Variants in AGBL1 observed in about 807,000 individuals in gnomAD.
The protein encoded by AGBL1 is AGBL carboxypeptidase 1.
In AGBL1, 130 loss-of-function variants were observed where a neutral mutation model predicts 118.9. The observed-to-expected ratio is 1.09, with a 90% CI of 0.95 to 1.26. AGBL1 has a LOEUF of 1.26. Ranked by LOEUF, AGBL1 falls within the 50% of genes most tolerant of loss-of-function variation. The pLI is 0.00. For synonymous variants in AGBL1, 555 were observed against 478.9 expected, an observed-to-expected ratio of 1.16 and a Z score of -2.08; for missense variants, 1,584 against 1,298.1, an observed-to-expected ratio of 1.22 and a Z score of -3.38.
chr15:86,196,857 ATG>A (rs1567118883), intron 5 of AGBL1, among the ~76,000 whole-genome samples: 20 of 124,000 alleles, frequency 1.6e-4, no homozygotes, highest in African/African-American at 5.0e-4. Flanking sequence ...GCATATGCGA[ATG>A]TGCACATGTG....
At chr15:86,656,336 C>T (rs538848546) in intron 21 of AGBL1, among the ~76,000 whole-genome samples, 27 of 152,160 alleles carry the variant, frequency 1.8e-4, no homozygotes, top group African/African-American at 4.3e-4. Context: ...AGAAAGAGCA[C>T]GCTGACAAAA....
chr15:86,770,424 A>G (rs561787189), intron 22 of AGBL1, among the ~76,000 whole-genome samples: 73 of 152,088 alleles, frequency 4.8e-4, no homozygotes, highest in Admixed American at 3.2e-3. Flanking sequence ...TAGAAGCTAC[A>G]GCTGCTGCTA....
intron 16 of AGBL1, among the ~76,000 whole-genome samples, chr15:86,287,575 C>T (rs1284162067): frequency 6.6e-6 from 1 of 152,032 alleles, no homozygotes; most frequent in Admixed American, 6.6e-5. Context: ...TTCAGTTTTC[C>T]CAACACCATT....
intron 22 of AGBL1, among the ~76,000 whole-genome samples, chr15:86,889,174 T>C (rs1596595926): frequency 6.6e-6 from 1 of 152,170 alleles, no homozygotes; most frequent in East Asian, 1.9e-4. Context: ...TTAGTTGACA[T>C]CCAGTAACCC....
At chr15:87,021,323 C>T (rs752709858) in intron 24 of AGBL1, among the ~76,000 whole-genome samples, 24 of 152,174 alleles carry the variant, frequency 1.6e-4, no homozygotes, top group African/African-American at 5.5e-4. Context: ...CTTCCTTACA[C>T]GATATACAAA....
chr15:86,189,275 C>T (rs532405399), intron 5 of AGBL1, among the ~76,000 whole-genome samples: 4 of 152,202 alleles, frequency 2.6e-5, no homozygotes, highest in Admixed American at 1.3e-4. Flanking sequence ...TGCAAAAGAC[C>T]TGATGGACAG....
chr15:86,311,366 A>G (rs2079918876), intron 17 of AGBL1, among the ~76,000 whole-genome samples: 1 of 152,092 alleles, frequency 6.6e-6, no homozygotes, highest in Non-Finnish European at 1.5e-5. Flanking sequence ...ATGAAAGTCT[A>G]TTTTTTGTTT....
intron 5 of AGBL1, among the ~76,000 whole-genome samples, chr15:86,196,730 T>C (rs2077808991): frequency 6.6e-6 from 1 of 152,164 alleles, no homozygotes; most frequent in Admixed American, 6.5e-5. Flanking sequence ...TATTTTAAGA[T>C]GGGGTCTTTA....
chr15:86,266,030 C>G (rs1195109488), intron 11 of AGBL1, among the ~76,000 whole-genome samples: 1 of 152,192 alleles, frequency 6.6e-6, no homozygotes, highest in African/African-American at 2.4e-5. Flanking sequence ...AAAACTTTCT[C>G]AGTGCAAACT....
intron 21 of AGBL1, among the ~76,000 whole-genome samples, chr15:86,583,722 G>C (rs1310169194): frequency 1.3e-5 from 2 of 152,004 alleles, no homozygotes; most frequent in African/African-American, 4.8e-5. Flanking sequence ...GGAATTGCTG[G>C]GTCACACAGT....
intron 22 of AGBL1, among the ~76,000 whole-genome samples, chr15:86,705,516 A>G (rs1182298511): frequency 6.6e-6 from 1 of 152,172 alleles, no homozygotes; most frequent in Non-Finnish European, 1.5e-5. Context: ...CTCCATATGT[A>G]TTGGCTGAAT....
At chr15:86,361,820 A>G (rs1454707348) in intron 17 of AGBL1, among the ~76,000 whole-genome samples, 1 of 152,082 alleles carries the variant, frequency 6.6e-6, no homozygotes, top group Non-Finnish European at 1.5e-5. Flanking sequence ...CTTAACTTTT[A>G]GCCTATGTAT....
intron 21 of AGBL1, among the ~76,000 whole-genome samples, chr15:86,590,921 A>T (rs1412414288): frequency 2.0e-5 from 3 of 152,218 alleles, no homozygotes; most frequent in Non-Finnish European, 2.9e-5. Context: ...AAATGAGAAA[A>T]TATACATTGA....
intron 15 of AGBL1, among the ~76,000 whole-genome samples, chr15:86,277,547 T>TTTATTTTTTC (rs1192952414): frequency 3.6e-4 from 55 of 152,270 alleles, no homozygotes; most frequent in African/African-American, 1.3e-3. Flanking sequence ...ATACATGGAT[T>TTTATTTTTTC]TTATTTTTTC....
At chr15:86,958,885 G>A (rs2080960593) in intron 23 of AGBL1, among the ~76,000 whole-genome samples, 1 of 152,074 alleles carries the variant, frequency 6.6e-6, no homozygotes, top group Admixed American at 6.6e-5. Flanking sequence ...ATATCAATAT[G>A]AATAAGCCTC....
intron 21 of AGBL1, among the ~76,000 whole-genome samples, chr15:86,593,042 C>G (rs2084359511): frequency 6.6e-6 from 1 of 152,178 alleles, no homozygotes; most frequent in South Asian, 2.1e-4. Flanking sequence ...TATCCTCTCT[C>G]TTGCTCTCTC....
At chr15:86,473,936 G>A (rs2082516508) in intron 18 of AGBL1, among the ~76,000 whole-genome samples, 1 of 152,046 alleles carries the variant, frequency 6.6e-6, no homozygotes, top group East Asian at 1.9e-4. Flanking sequence ...TACATGTAGT[G>A]GGCTGGAAAA....
chr15:86,539,899 T>C (rs2083471943), intron 19 of AGBL1, among the ~76,000 whole-genome samples: 1 of 152,196 alleles, frequency 6.6e-6, no homozygotes, highest in Admixed American at 6.5e-5. Context: ...CTTATGGTAA[T>C]ACAATGACCT....
intron 5 of AGBL1, among the ~76,000 whole-genome samples, chr15:86,211,547 C>T (rs541688738): frequency 4.6e-5 from 7 of 152,202 alleles, no homozygotes; most frequent in East Asian, 1.9e-4. Flanking sequence ...TCAGCAATGG[C>T]GAATGCCCCT....
Sources: allele counts gnomAD v4.1 joint callset (sites outside exome capture counted in the v4.1 genomes callset), GRCh38; gene constraint gnomAD v4.1.1; transcripts MANE v1.5; gene names NCBI Gene and HGNC (gene_info 2026-07-23, HGNC 2026-07-21).